The following RIN3 variants were observed in gnomAD, a reference collection of about 807,000 sequenced individuals.
The protein encoded by RIN3 is Ras and Rab interactor 3, also known as RAB5 interacting protein 3.
RIN3 carries 54 observed loss-of-function variants against 76.3 expected under a neutral mutation model. That is an observed-to-expected ratio of 0.71 (90% CI 0.57 to 0.89). The LOEUF is 0.89. Among genes scored for constraint, RIN3 ranks in the 40% least tolerant of loss-of-function variants. RIN3 has a pLI of 0.00. For missense variants in RIN3, 1,256 were observed against 1,322.1 expected, an observed-to-expected ratio of 0.95 and a Z score of 0.78; for synonymous variants, 576 against 564.0, an observed-to-expected ratio of 1.02 and a Z score of -0.30.
intron 1 of RIN3, among the ~76,000 whole-genome samples, chr14:92,533,086 TG>T (rs1229166435): frequency 1.3e-5 from 2 of 152,222 alleles, no homozygotes; most frequent in Non-Finnish European, 2.9e-5. Context: ...ACACTCAACA[TG>T]CATATAGTTT....
At chr14:92,561,143 A>G (rs909832851) in intron 2 of RIN3, among the ~76,000 whole-genome samples, 2 of 48,112 alleles carry the variant, frequency 4.2e-5, no homozygotes, top group Non-Finnish European at 9.0e-5. Flanking sequence ...ATTTATATAT[A>G]TTTTTATATA....
At chr14:92,675,462 A>G (rs1888426869) in intron 7 of RIN3, among the ~76,000 whole-genome samples, 1 of 152,220 alleles carries the variant, frequency 6.6e-6, no homozygotes, top group South Asian at 2.1e-4. Flanking sequence ...AGGTAGCAGC[A>G]CTGGCATGGG....
At chr14:92,651,433 GA>G in intron 5 of RIN3, 148 bp from the exon 6 acceptor site, 1 of 550,990 alleles carries the variant, frequency 1.8e-6, no homozygotes. Flanking sequence ...AAGCGTCCAA[GA>G]GGGGAAAACA....
chr14:92,573,426 ATGAT>A (rs1162153635), intron 2 of RIN3, among the ~76,000 whole-genome samples: 1 of 152,322 alleles, frequency 6.6e-6, no homozygotes, highest in African/African-American at 2.4e-5. Flanking sequence ...TTTCAGAGGC[ATGAT>A]TGATTAAATC....
In RIN3 at chr14:92,643,522, G is replaced by A. The variant is rs983881646; in HGVS notation, c.532+2193G>A. Among the ~76,000 whole-genome samples the A allele has an allele frequency of 2.0e-5, 3 of 152,230 alleles. No homozygotes were observed. Among genetic ancestry groups the A allele is most frequent in the Non-Finnish European group, 4.4e-5 (3 of 68,040 alleles). ...GATCTTGGATGTGGGACAGGTGACAGTTTTGTAATTTGCACTTTTGTAAGG... is the reference window on the plus strand; with the variant it reads ...GATCTTGGATGTGGGACAGGTGACAATTTTGTAATTTGCACTTTTGTAAGG... On this transcript the variant is annotated intron_variant, in intron 5 of 9. Transcript: ENST00000216487. This position sits in a 1 kb window ranked among gnomAD's most constrained non-coding sequence, Gnocchi z 4.8.
rs1431882923 is a variant in RIN3 at position 92,649,684 on chromosome 14, G to A, written c.533-1898G>A. Among the ~76,000 whole-genome samples, 6 of 152,358 alleles carry A rather than the reference G, an allele frequency of 3.9e-5. No homozygotes were observed. The East Asian group carries it at 1.2e-3, about 29-fold the overall frequency. On this transcript the variant is annotated intron_variant, in intron 5 of 9. Coordinates refer to ENST00000216487, the MANE Select transcript of RIN3 (RefSeq NM_024832.5). ...AGGGCCCTGGCAGTCACAAAGAGCAGCTCGTCCAGGCCCTGGGAGAGGCCG... is the reference window on the plus strand; with the variant it reads ...AGGGCCCTGGCAGTCACAAAGAGCAACTCGTCCAGGCCCTGGGAGAGGCCG...
At chr14:92,523,587 G>A (rs557322045) in intron 1 of RIN3, among the ~76,000 whole-genome samples, 1 of 152,378 alleles carries the variant, frequency 6.6e-6, no homozygotes, top group African/African-American at 2.4e-5. Flanking sequence ...GCAAGAAGGA[G>A]GAAGAGAGGG....
At chr14:92,563,123 G>A (rs1897820099) in intron 2 of RIN3, among the ~76,000 whole-genome samples, 1 of 152,204 alleles carries the variant, frequency 6.6e-6, no homozygotes, top group African/African-American at 2.4e-5. Flanking sequence ...ACTTTGGGAG[G>A]CCGAGGTGGG....
intron 3 of RIN3, among the ~76,000 whole-genome samples, chr14:92,581,676 G>C (rs926948392): frequency 1.3e-5 from 2 of 152,148 alleles, no homozygotes; most frequent in African/African-American, 4.8e-5. Context: ...CACACCCCTG[G>C]AAACCAGGAC....
chr14:92,585,997 C>A lies in RIN3; in HGVS notation c.367+8520C>A, dbSNP rs1362002416. Among the ~76,000 whole-genome samples the A allele has an allele frequency of 2.6e-5, 4 of 152,190 alleles. No individual in the cohort carries two copies. In the East Asian group the frequency reaches 5.8e-4, roughly 22 times the overall value. ...AGAGCTTAAGCTTTAGAAAGGCTGG[C>A]AGTTCTGGGTTTTAATTCTCTGTCA... On this transcript the variant is annotated intron_variant, in intron 3 of 9. Transcript: ENST00000216487.
chr14:92,618,807 T>A (rs1248168641), intron 4 of RIN3, among the ~76,000 whole-genome samples: 5 of 152,216 alleles, frequency 3.3e-5, no homozygotes, highest in African/African-American at 1.2e-4. Flanking sequence ...TCAATTTGGA[T>A]CATTTTATTT....
Position 92,555,826 on chromosome 14 carries a change from G to A in RIN3, c.120G>A (p.Pro40=), listed in dbSNP as rs772354216. The change falls in exon 2 of 10, where the codon CCG becomes CCA. Residue 40 remains proline, a synonymous_variant. Transcript: ENST00000216487. ...DGMRLCLPAN[P]KNCLPHRRGI... ...TGCGGCTTTGTCTGCCAGCCAACCC[G>A]AAAAACTGCCTTCCTCACCGCCGGG... is the stretch of plus-strand genomic sequence containing the variant. 5.6e-5 allele frequency: 91 copies of A among 1,614,046 alleles called. No homozygotes were observed. Among genetic ancestry groups the A allele is most frequent in the Non-Finnish European group, 7.2e-5 (85 of 1,180,028 alleles).
intron 3 of RIN3, among the ~76,000 whole-genome samples, chr14:92,611,917 A>C (rs114321798): frequency 0.027 from 4,126 of 152,306 alleles, 187 homozygotes; most frequent in African/African-American, 0.094. Context: ...CAGGAAACTT[A>C]CAATCACGGT....
At chr14:92,579,701 G>T (rs1434010020) in intron 3 of RIN3, among the ~76,000 whole-genome samples, 3 of 152,182 alleles carry the variant, frequency 2.0e-5, no homozygotes, top group African/African-American at 7.2e-5. Context: ...CAAGAAACAT[G>T]TGTGCCTGGC....
chr14:92,660,487 C>T (rs904733149), intron 7 of RIN3, among the ~76,000 whole-genome samples: 10 of 152,054 alleles, frequency 6.6e-5, no homozygotes, highest in Admixed American at 2.6e-4. Context: ...GTTGATGAGC[C>T]GTTGGCTGGT....
chr14:92,680,953 T>C (rs1595508099), intron 8 of RIN3, among the ~76,000 whole-genome samples: 1 of 151,568 alleles, frequency 6.6e-6, no homozygotes, highest in Admixed American at 6.6e-5. Flanking sequence ...CTCTCTTGTG[T>C]TCCCACTCCC....
chr14:92,610,979 T>C (rs532573336), intron 3 of RIN3, among the ~76,000 whole-genome samples: 8 of 152,308 alleles, frequency 5.3e-5, no homozygotes, highest in Non-Finnish European at 1.0e-4. Flanking sequence ...ATGCTCACAG[T>C]GATGTTTATG....
rs555618849 is a variant in RIN3 at position 92,576,126 on chromosome 14, C to G, written c.250-1234C>G. ...AGTCCTTCCCCTATGGAGGGATGCC[C>G]CCTCCCCCTTCCTGGGGAAGCTGTG... On this transcript the variant is annotated intron_variant, in intron 2 of 9. Transcript: ENST00000216487. 8.4e-5 allele frequency: 77 copies of G among 918,410 alleles called. No homozygotes were observed. The African/African-American group carries it at 1.2e-3, about 15-fold the overall frequency. 56.9% of individuals were successfully genotyped at this position (918,410 alleles called of 1,614,324 possible).
intron 3 of RIN3, among the ~76,000 whole-genome samples, chr14:92,613,728 T>C (rs891863986): frequency 8.5e-5 from 13 of 152,242 alleles, no homozygotes; most frequent in African/African-American, 2.9e-4. Flanking sequence ...AAGGGCACGC[T>C]CTAAGCCTCA....
Sources: allele counts gnomAD v4.1 joint callset (sites outside exome capture counted in the v4.1 genomes callset), GRCh38; gene constraint gnomAD v4.1.1; non-coding constraint Gnocchi (gnomAD v3.1); transcripts MANE v1.5; gene names NCBI Gene and HGNC (gene_info 2026-07-23, HGNC 2026-07-21).